The following MDGA2 variants were observed in gnomAD, a reference collection of about 807,000 sequenced individuals.
MDGA2 encodes the protein MAM domain-containing glycosylphosphatidylinositol anchor protein 2.
In MDGA2, 40 loss-of-function variants were observed where a neutral mutation model predicts 117.8. The ratio of observed to expected loss-of-function variants is 0.34; its 90% CI spans 0.26 to 0.44. The LOEUF (loss-of-function observed/expected upper bound fraction) is 0.44. Among genes scored for constraint, MDGA2 ranks in the 20% least tolerant of loss-of-function variants. The pLI, the probability that MDGA2 is intolerant of heterozygous loss-of-function variation, is 1.00. For missense variants in MDGA2, 1,123 were observed against 1,250.6 expected, an observed-to-expected ratio of 0.90 and a Z score of 1.54; for synonymous variants, 452 against 439.0, an observed-to-expected ratio of 1.03 and a Z score of -0.37.
intron 1 of MDGA2, among the ~76,000 whole-genome samples, chr14:47,337,109 CCTAATA>C (rs1240467407): frequency 6.6e-6 from 1 of 151,964 alleles, no homozygotes; most frequent in Non-Finnish European, 1.5e-5. Context: ...ACATTTCAAC[CCTAATA>C]CTAACTATAA....
At chr14:47,082,172 G>T (rs1319249989) in intron 6 of MDGA2, among the ~76,000 whole-genome samples, 1 of 151,940 alleles carries the variant, frequency 6.6e-6, no homozygotes, top group Non-Finnish European at 1.5e-5. Flanking sequence ...AAAGTACACT[G>T]AATTGCATTT....
intron 8 of MDGA2, among the ~76,000 whole-genome samples, chr14:47,001,034 C>T (rs1211125551): frequency 6.6e-6 from 1 of 151,918 alleles, no homozygotes; most frequent in African/African-American, 2.4e-5. Flanking sequence ...ACTCAGACTT[C>T]GAACACTAAA....
At chr14:47,074,316 T>C (rs76255061) in intron 6 of MDGA2, among the ~76,000 whole-genome samples, 1 of 151,986 alleles carries the variant, frequency 6.6e-6, no homozygotes, top group African/African-American at 2.4e-5. Flanking sequence ...TTTTTTTTTT[T>C]TGAACGTGGA....
At chr14:47,564,066 A>T (rs776781498) in intron 1 of MDGA2, among the ~76,000 whole-genome samples, 10 of 152,170 alleles carry the variant, frequency 6.6e-5, no homozygotes, top group Non-Finnish European at 1.5e-4. Context: ...TTCTTCAAGA[A>T]TGATGAATAT....
In MDGA2 at chr14:47,242,803, G is replaced by A. The variant is rs535710118; in HGVS notation, c.421-24608C>T. Reference sequence around the variant, plus strand: ...CTGCTCCAGGGCACCGAGTCCCATCGACCACCCAAGGGCTGAGGAATGCTA... The same window carrying A: ...CTGCTCCAGGGCACCGAGTCCCATCAACCACCCAAGGGCTGAGGAATGCTA... On this transcript the variant is annotated intron_variant, in intron 2 of 16. Coordinates refer to ENST00000399232, the MANE Select transcript of MDGA2 (RefSeq NM_001113498.3). Among the ~76,000 whole-genome samples the A allele has an allele frequency of 1.5e-4, 23 of 151,938 alleles. No individual in the cohort carries two copies. In the South Asian group the frequency reaches 4.6e-3, roughly 30 times the overall value.
chr14:47,391,360 T>C (rs1003206444), intron 1 of MDGA2, among the ~76,000 whole-genome samples: 2 of 151,404 alleles, frequency 1.3e-5, no homozygotes, highest in African/African-American at 2.5e-5. Context: ...TGTTTTGCCA[T>C]AGTTTTTAGG....
chr14:47,491,983 T>C lies in MDGA2; in HGVS notation c.280+182534A>G, dbSNP rs143454985. On this transcript the variant is annotated intron_variant, in intron 1 of 16. Coordinates refer to ENST00000399232, the MANE Select transcript of MDGA2 (RefSeq NM_001113498.3). ...TAAATTATTTTTCTATTTATGGCAA[T>C]GACATTGTCTAGAATCTGAGTTTGG... Among the ~76,000 whole-genome samples, 38 of 152,266 alleles carry C rather than the reference T, an allele frequency of 2.5e-4. No homozygotes were observed. In the East Asian group the frequency reaches 6.6e-3, roughly 26 times the overall value.
At chr14:47,107,302 T>C (rs12589535) in intron 5 of MDGA2, among the ~76,000 whole-genome samples, 34,969 of 151,398 alleles carry the variant, frequency 0.23, 4,313 homozygotes, top group East Asian at 0.48. Flanking sequence ...ACCAGACAAG[T>C]CTTACAAGTT....
At chr14:47,031,948 ACTT>A (rs1325755270) in intron 8 of MDGA2, among the ~76,000 whole-genome samples, 1 of 152,098 alleles carries the variant, frequency 6.6e-6, no homozygotes, top group East Asian at 1.9e-4. Context: ...AGCCAATTAA[ACTT>A]CTTTTCTTTA....
intron 6 of MDGA2, among the ~76,000 whole-genome samples, chr14:47,068,983 T>C (rs1890182166): frequency 1.3e-5 from 2 of 152,174 alleles, no homozygotes; most frequent in Non-Finnish European, 2.9e-5. Flanking sequence ...CTACATCCAG[T>C]TGGCCACTTC....
chr14:47,151,958 T>C (rs186439691), intron 3 of MDGA2, among the ~76,000 whole-genome samples: 1 of 152,218 alleles, frequency 6.6e-6, no homozygotes, highest in Admixed American at 6.5e-5. Context: ...AGCAAGGAAA[T>C]TGATATGTAT....
intron 5 of MDGA2, among the ~76,000 whole-genome samples, chr14:47,109,390 CTTCT>C (rs1217843979): frequency 6.6e-6 from 1 of 152,172 alleles, no homozygotes; most frequent in Non-Finnish European, 1.5e-5. Context: ...AACTGAGTTG[CTTCT>C]TTCTTTGTGT....
intron 2 of MDGA2, among the ~76,000 whole-genome samples, chr14:47,219,034 T>A (rs898554584): frequency 6.6e-6 from 1 of 152,048 alleles, no homozygotes; most frequent in African/African-American, 2.4e-5. Context: ...TACTGTAAAG[T>A]GATACAAAAT....
intron 1 of MDGA2, among the ~76,000 whole-genome samples, chr14:47,673,631 G>GGT (rs1566569365): frequency 8.9e-5 from 4 of 44,868 alleles, no homozygotes; most frequent in Non-Finnish European, 1.4e-4. Context: ...CTATGACCTG[G>GGT]ATGTGTGTGT....
At chr14:47,149,715 C>T (rs1883089477) in intron 3 of MDGA2, among the ~76,000 whole-genome samples, 2 of 152,180 alleles carry the variant, frequency 1.3e-5, no homozygotes, top group South Asian at 2.1e-4. Context: ...CTTCCAAGAG[C>T]CATCCTAGCA....
intron 1 of MDGA2, among the ~76,000 whole-genome samples, chr14:47,625,321 GTA>G (rs1310743042): frequency 6.6e-5 from 10 of 150,898 alleles, no homozygotes; most frequent in South Asian, 2.1e-4. Context: ...AAAAAAAAAA[GTA>G]TGTCATTTAA....
At chr14:47,256,696 T>C (rs1566706035) in intron 2 of MDGA2, among the ~76,000 whole-genome samples, 1 of 152,114 alleles carries the variant, frequency 6.6e-6, no homozygotes, top group South Asian at 2.1e-4. Context: ...TATAGTTTGA[T>C]TGAGTTGGTT....
chr14:47,419,011 T>C (rs1442938723), intron 1 of MDGA2, among the ~76,000 whole-genome samples: 2 of 152,176 alleles, frequency 1.3e-5, no homozygotes, highest in East Asian at 3.9e-4. Context: ...GGAGGTTAAA[T>C]TTAAAGAGTA....
chr14:47,307,174 G>A (rs1376749881), intron 1 of MDGA2, among the ~76,000 whole-genome samples: 2 of 152,034 alleles, frequency 1.3e-5, no homozygotes, highest in Non-Finnish European at 2.9e-5. Flanking sequence ...TCAAGGATAT[G>A]GTGGCTTCCA....
Sources: gnomAD v4.1 joint callset for allele counts (sites outside exome capture counted in the v4.1 genomes callset) on GRCh38, gnomAD v4.1.1 for gene constraint, MANE v1.5 for transcripts, NCBI Gene and HGNC (gene_info 2026-07-23, HGNC 2026-07-21) for gene names.